Variants in PTPRE observed in about 807,000 individuals in gnomAD.
PTPRE encodes protein tyrosine phosphatase receptor type E, also known as receptor-type tyrosine-protein phosphatase epsilon.
In PTPRE, 51 loss-of-function variants were observed where a neutral mutation model predicts 102.0. The observed-to-expected ratio is 0.50, with a 90% confidence interval of 0.40 to 0.63. The LOEUF is 0.63. PTPRE is among the 30% of genes least tolerant of loss of function. The pLI, the probability that PTPRE is intolerant of heterozygous loss-of-function variation, is 0.00. For synonymous variants in PTPRE, 345 were observed against 348.2 expected (o/e 0.99, Z 0.10); for missense variants, 752 against 915.1 (o/e 0.82, Z 2.30).
chr10:127,920,231 A>G (rs1231339929), intron 1 of PTPRE, among the ~76,000 whole-genome samples: 3 of 152,338 alleles, frequency 2.0e-5, no homozygotes, highest in African/African-American at 7.2e-5. Flanking sequence ...TCTAGTAACA[A>G]ATGACACAAG....
Position 128,076,697 on chromosome 10 carries a change from G to A in PTPRE, c.1694G>A (p.Ser565Asn), listed in dbSNP as rs1282979671. The A allele has an allele frequency of 2.5e-6, 4 of 1,611,686 alleles. No homozygotes were observed. The highest frequency in any genetic ancestry group is 1.6e-4 in the Middle Eastern group (1 of 6,062). Residue 565 changes from serine to asparagine, a missense_variant, in exon 18 of 21, where the codon AGT (serine) becomes AAT (asparagine). Transcript: ENST00000254667. ...IKNDTLSEAI[S>N]IRDFLVTLNQ... is the part of the protein sequence containing the mutation. ...AATGATACCCTTTCAGAAGCCATCAGTATACGAGACTTTCTGGTCACTCTC... is the reference window on the plus strand; with the variant it reads ...AATGATACCCTTTCAGAAGCCATCAATATACGAGACTTTCTGGTCACTCTC...
chr10:128,081,465 C>A (rs140824593), intron 20 of PTPRE, among the ~76,000 whole-genome samples: 4 of 152,200 alleles, frequency 2.6e-5, no homozygotes, highest in Admixed American at 6.5e-5. Flanking sequence ...CACTTGTACT[C>A]GAGACTACGT....
chr10:127,935,203 T>G (rs980800858), intron 1 of PTPRE, among the ~76,000 whole-genome samples: 4 of 152,304 alleles, frequency 2.6e-5, no homozygotes, highest in Admixed American at 2.0e-4. Context: ...TAGCCCGCTC[T>G]CTGCCCCTCC....
chr10:127,924,935 C>G (rs889742052), intron 1 of PTPRE, among the ~76,000 whole-genome samples: 4 of 152,198 alleles, frequency 2.6e-5, no homozygotes, highest in Non-Finnish European at 5.9e-5. Flanking sequence ...TGTGGAGCTC[C>G]CTGGGATACT....
intron 1 of PTPRE, among the ~76,000 whole-genome samples, chr10:127,928,063 A>T (rs1238368688): frequency 6.6e-6 from 1 of 152,168 alleles, no homozygotes; most frequent in South Asian, 2.1e-4. Flanking sequence ...AAGAACCCTG[A>T]TTTGCTTTTT....
At chr10:127,909,521 C>T (rs999536088) in intron 1 of PTPRE, among the ~76,000 whole-genome samples, 19 of 152,196 alleles carry the variant, frequency 1.2e-4, no homozygotes, top group African/African-American at 4.1e-4. Flanking sequence ...GCCCACTTGA[C>T]ATTTCTCCCT....
intron 1 of PTPRE, among the ~76,000 whole-genome samples, chr10:127,911,434 C>T (rs1175194407): frequency 6.6e-6 from 1 of 152,144 alleles, no homozygotes. Flanking sequence ...CAAACGAAAC[C>T]CACCCCTGAG....
chr10:128,054,757 GACTCGGGAC>G (rs1848814755), intron 6 of PTPRE, among the ~76,000 whole-genome samples: 1 of 152,112 alleles, frequency 6.6e-6, no homozygotes, highest in Non-Finnish European at 1.5e-5. Context: ...AGGAGAGGAA[GACTCGGGAC>G]ACCTGTGGGT....
intron 2 of PTPRE, among the ~76,000 whole-genome samples, chr10:128,025,480 C>A (rs1846227444): frequency 1.3e-5 from 2 of 152,206 alleles, no homozygotes; most frequent in South Asian, 4.1e-4. Context: ...TTTATTGCCC[C>A]ACTTTACAGA....
At chr10:128,005,673 G>A (rs1215716140) in intron 2 of PTPRE, among the ~76,000 whole-genome samples, 2 of 152,226 alleles carry the variant, frequency 1.3e-5, no homozygotes, top group Non-Finnish European at 2.9e-5. Context: ...GGATGCCCAA[G>A]GACCCTCAGT....
intron 2 of PTPRE, among the ~76,000 whole-genome samples, chr10:128,019,217 C>T (rs1845666938): frequency 6.6e-6 from 1 of 152,246 alleles, no homozygotes; most frequent in Admixed American, 6.5e-5. Context: ...GCCCCTTGCT[C>T]ACTGCATGAC....
chr10:127,916,288 TAGTG>T (rs1478365307), intron 1 of PTPRE, among the ~76,000 whole-genome samples: 1 of 152,150 alleles, frequency 6.6e-6, no homozygotes, highest in African/African-American at 2.4e-5. Flanking sequence ...GTTCTCATGA[TAGTG>T]AGTGAGTTCT....
At chr10:128,029,603 T>C (rs1011384048) in intron 2 of PTPRE, among the ~76,000 whole-genome samples, 1 of 152,238 alleles carries the variant, frequency 6.6e-6, no homozygotes, top group African/African-American at 2.4e-5. Context: ...GTCTCCATTC[T>C]CTGGGATAAT....
rs772468096 is a variant in PTPRE, at chr10:128,047,345, T to C, written c.110-45T>C. ...TATGGAGGGAGACTCTTTTGCAAACTGTGAAGTGAGGTCAGGGGTTAGGGT... is the reference window on the plus strand; with the variant it reads ...TATGGAGGGAGACTCTTTTGCAAACCGTGAAGTGAGGTCAGGGGTTAGGGT... On this transcript the variant is annotated intron_variant, in intron 3 of 20. Transcript: ENST00000254667. 7 of 1,596,816 alleles carry C rather than the reference T, an allele frequency of 4.4e-6. No individual in the cohort carries two copies. The South Asian group carries it at 5.6e-5, about 13-fold the overall frequency.
chr10:128,032,767 G>T (rs1163461802), intron 2 of PTPRE, among the ~76,000 whole-genome samples: 2 of 152,144 alleles, frequency 1.3e-5, no homozygotes, highest in African/African-American at 4.8e-5. Context: ...ACAGGGTAGA[G>T]GATTTTGAAA....
intron 17 of PTPRE, among the ~76,000 whole-genome samples, chr10:128,074,120 TCTG>T (rs1851023279): frequency 6.6e-6 from 1 of 152,220 alleles, no homozygotes; most frequent in Non-Finnish European, 1.5e-5. Flanking sequence ...CAACCACTAA[TCTG>T]CTTCCTGACT....
At chr10:128,003,146 G>T (rs1854143155) in intron 2 of PTPRE, among the ~76,000 whole-genome samples, 1 of 152,194 alleles carries the variant, frequency 6.6e-6, no homozygotes, top group African/African-American at 2.4e-5. Context: ...ACCTCGGGAG[G>T]TGACTTGACT....
rs1854119092 is a variant in PTPRE at position 128,002,934 on chromosome 10, T to TC, written c.-8+20643dup. On this transcript the variant is annotated intron_variant, in intron 2 of 20. Coordinates refer to ENST00000254667, the MANE Select transcript of PTPRE (RefSeq NM_006504.6). ...AGTCTTGAACTCCTGGCTCAAGTGATCCCCCTGCCTTGGCTTCCCAAGATG... is the reference window on the plus strand; with the variant it reads ...AGTCTTGAACTCCTGGCTCAAGTGATCCCCCCTGCCTTGGCTTCCCAAGATG... Among the ~76,000 whole-genome samples, 6 of 152,096 alleles carry TC rather than the reference T, an allele frequency of 3.9e-5. No homozygotes were observed. The South Asian group carries it at 1.0e-3, about 26-fold the overall frequency.
rs143359234 is a variant in PTPRE at position 127,949,035 on chromosome 10, G to T, written c.-30-33239G>T. Among the ~76,000 whole-genome samples, 101 of 152,330 alleles carry T rather than the reference G, an allele frequency of 6.6e-4. 1 individual carries two copies. In the East Asian group the frequency reaches 0.019, roughly 28 times the overall value. ...ACCCTGGACAATTCCAGGCTTGTCA[G>T]CCTTTGGATTCCAGAACTTACACCA... On this transcript the variant is annotated intron_variant, in intron 1 of 20. Coordinates refer to ENST00000254667, the MANE Select transcript of PTPRE (RefSeq NM_006504.6).
Sources: allele counts gnomAD v4.1 joint callset (sites outside exome capture counted in the v4.1 genomes callset), GRCh38; gene constraint gnomAD v4.1.1; transcripts MANE v1.5; gene names NCBI Gene and HGNC (gene_info 2026-07-23, HGNC 2026-07-21).